STAT4: variants seen among roughly 807,000 people sequenced by gnomAD.
STAT4 encodes the protein signal transducer and activator of transcription 4.
Under a neutral mutation model 110.5 loss-of-function variants are expected in STAT4, and 42 were observed. That is an observed-to-expected ratio of 0.38 (90% confidence interval 0.30 to 0.49). STAT4 has a LOEUF of 0.49. Among genes scored for constraint, STAT4 ranks in the 20% least tolerant of loss-of-function variants. The pLI is 0.95. For missense variants in STAT4, 632 were observed against 887.9 expected (o/e 0.71, Z 3.66); for synonymous variants, 284 against 302.2 (o/e 0.94, Z 0.63).
intron 4 of STAT4, 145 bp from the exon 5 acceptor site, chr2:191,073,335 T>C (rs1697219222): frequency 6.2e-6 from 4 of 648,752 alleles, no homozygotes; most frequent in Non-Finnish European, 1.1e-5. Flanking sequence ...TGTAAAAAAG[T>C]ATTTAATGAC....
At chr2:191,040,957 G>A in intron 15 of STAT4, 108 bp downstream of exon 15, 1 of 636,172 alleles carries the variant, frequency 1.6e-6, no homozygotes, top group African/African-American at 1.9e-5. Flanking sequence ...ACAAAATAAT[G>A]AATATGGAAT....
At position 191,030,897 on chromosome 2, in the gene STAT4, C is replaced by G. The variant is rs1464057024; in HGVS notation, c.2220+75G>C. 1.5e-6 allele frequency: 2 copies of G among 1,350,870 alleles called. No homozygotes were observed. The highest frequency in any genetic ancestry group is 3.4e-5 in the Admixed American group (2 of 58,352). 83.7% of individuals were successfully genotyped at this position (1,350,870 alleles called of 1,614,324 possible). A position where few individuals can be genotyped will look rare whatever the true frequency, so the allele number is the denominator to read the frequency against. On this transcript the variant is annotated intron_variant, in intron 23 of 23. Transcript: ENST00000392320. This position sits in a 1 kb window ranked among gnomAD's most constrained non-coding sequence, Gnocchi z 4.4. ...TCTCCCTACCCAGGCAGTATTTCAG[C>G]CCCTTTGATTCACACACCACCTTTG...
At chr2:191,034,431 A>G in intron 18 of STAT4, 117 bp downstream of exon 18, 6 of 871,844 alleles carry the variant, frequency 6.9e-6, no homozygotes, top group Non-Finnish European at 1.1e-5. Flanking sequence ...TCAAAAAAAA[A>G]AAAAAAAGAA....
intron 5 of STAT4, among the ~76,000 whole-genome samples, chr2:191,070,736 A>C (rs565760491): frequency 6.6e-6 from 1 of 152,310 alleles, no homozygotes; most frequent in Non-Finnish European, 1.5e-5. Flanking sequence ...ATTGGTTACA[A>C]AAAGTATAGA....
rs1472357693 is a variant in STAT4, at chr2:191,107,504, T to C, written c.274-31179A>G. Among the ~76,000 whole-genome samples, 2 of 152,194 alleles carry C rather than the reference T, an allele frequency of 1.3e-5. No individual in the cohort carries two copies. The highest frequency in any genetic ancestry group is 6.5e-5 in the Admixed American group (1 of 15,282). ...TACACAGAAGATAAAGAGAGCAAGG[T>C]TCAGGGGAGGCTGGGTTTATGTAAC... On this transcript the variant is annotated intron_variant, in intron 3 of 23. Coordinates refer to ENST00000392320, the MANE Select transcript of STAT4 (RefSeq NM_003151.4). The surrounding 1 kb of genome is among the most constrained non-coding windows in gnomAD (Gnocchi z 4.2).
In STAT4 at chr2:191,107,892, C is replaced by G. The variant is rs746354165; in HGVS notation, c.274-31567G>C. ...TGAAGGGCCCAAAGTTTCTACAGAA[C>G]ATTTCTTTCATTGATGCCCATATTT... is the stretch of plus-strand genomic sequence containing the variant. On this transcript the variant is annotated intron_variant, in intron 3 of 23. Transcript: ENST00000392320. This position sits in a 1 kb window ranked among gnomAD's most constrained non-coding sequence, Gnocchi z 4.2. 6.6e-6 allele frequency among the ~76,000 whole-genome samples: 1 copy of G among 152,292 alleles called. No homozygotes were observed. The highest frequency in any genetic ancestry group is 2.1e-4 in the South Asian group (1 of 4,826).
rs1256427690 is a variant in STAT4 at position 191,058,892 on chromosome 2, T to C, written c.1035-123A>G. On this transcript the variant is annotated intron_variant, in intron 10 of 23. Coordinates refer to ENST00000392320, the MANE Select transcript of STAT4 (RefSeq NM_003151.4). The surrounding 1 kb of genome is among the most constrained non-coding windows in gnomAD (Gnocchi z 4.3). ...GCATATAAATAAACCTTACATTATCTACAGTTATATGTTAGTGTGTTTTAA... is the reference window on the plus strand; with the variant it reads ...GCATATAAATAAACCTTACATTATCCACAGTTATATGTTAGTGTGTTTTAA... 5.1e-6 allele frequency: 3 copies of C among 593,070 alleles called. No homozygotes were observed. In the East Asian group the frequency reaches 9.2e-5, roughly 18 times the overall value. The allele number at this position is 593,070 out of a possible 1,614,324, so 36.7% of individuals were successfully genotyped here.
In STAT4 at chr2:191,090,028, T is replaced by C; in HGVS notation, c.274-13703A>G. ...TTGATAAAACACATAGAACATATAGTGAGCCCTAATGTAAATTATGGGACT... is the reference window on the plus strand; with the variant it reads ...TTGATAAAACACATAGAACATATAGCGAGCCCTAATGTAAATTATGGGACT... On this transcript the variant is annotated intron_variant, in intron 3 of 23. Coordinates refer to ENST00000392320, the MANE Select transcript of STAT4 (RefSeq NM_003151.4). This position sits in a 1 kb window ranked among gnomAD's most constrained non-coding sequence, Gnocchi z 4.2. 6.6e-6 allele frequency among the ~76,000 whole-genome samples: 1 copy of C among 152,136 alleles called. No homozygotes were observed. The highest frequency in any genetic ancestry group is 6.6e-5 in the Admixed American group (1 of 15,260).
Position 191,060,464 on chromosome 2 carries a change from C to T in STAT4, c.1034+1265G>A, listed in dbSNP as rs1240003710. On this transcript the variant is annotated intron_variant, in intron 10 of 23. Transcript: ENST00000392320. This position sits in a 1 kb window ranked among gnomAD's most constrained non-coding sequence, Gnocchi z 4.5. ...ATGGAGTCTTGCTGTTGTTGCCCAG[C>T]CTGAAGTGCAGTGGCGTGAGTGCAG... 6.6e-6 allele frequency among the ~76,000 whole-genome samples: 1 copy of T among 152,136 alleles called. No homozygotes were observed. The highest frequency in any genetic ancestry group is 1.5e-5 in the Non-Finnish European group (1 of 68,018).
intron 13 of STAT4, 129 bp from the exon 14 acceptor site, chr2:191,054,663 C>A: frequency 1.4e-6 from 1 of 731,592 alleles, no homozygotes; most frequent in Non-Finnish European, 2.2e-6. Flanking sequence ...TATTTTCAAA[C>A]TCATTGAAAC....
At chr2:191,057,081 C>A (rs1696718072) in intron 13 of STAT4, among the ~76,000 whole-genome samples, 1 of 152,214 alleles carries the variant, frequency 6.6e-6, no homozygotes, top group African/African-American at 2.4e-5. Flanking sequence ...CCGTGCCCGG[C>A]CCCTTCTACG....
chr2:191,064,034 C>A (rs1696917995), intron 8 of STAT4, among the ~76,000 whole-genome samples: 1 of 152,134 alleles, frequency 6.6e-6, no homozygotes. Flanking sequence ...ACATGGAAAA[C>A]CCTATGAACA....
At chr2:191,132,791 G>T (rs1434001601) in intron 3 of STAT4, among the ~76,000 whole-genome samples, 4 of 140,230 alleles carry the variant, frequency 2.9e-5, no homozygotes, top group African/African-American at 1.1e-4. Context: ...GTCTCGCTCT[G>T]TCGCCCAGGC....
At chr2:191,095,182 C>T (rs1697934364) in intron 3 of STAT4, among the ~76,000 whole-genome samples, 1 of 152,084 alleles carries the variant, frequency 6.6e-6, no homozygotes, top group African/African-American at 2.4e-5. Context: ...CTTTAACACC[C>T]CACTGTCAAT....
chr2:191,081,650 G>C (rs1480755547), intron 3 of STAT4, among the ~76,000 whole-genome samples: 2 of 152,138 alleles, frequency 1.3e-5, no homozygotes, highest in Admixed American at 6.6e-5. Context: ...TTTTGGGGAA[G>C]TGTCTGTTCA....
intron 3 of STAT4, among the ~76,000 whole-genome samples, chr2:191,088,780 T>A (rs1016104155): frequency 6.6e-6 from 1 of 152,180 alleles, no homozygotes; most frequent in Non-Finnish European, 1.5e-5. Flanking sequence ...CACGTAAATG[T>A]ACTTAACTGA....
At chr2:191,048,761 G>A (rs1696427276) in intron 14 of STAT4, among the ~76,000 whole-genome samples, 1 of 114,008 alleles carries the variant, frequency 8.8e-6, no homozygotes, top group South Asian at 3.1e-4. Context: ...ACTCCAGCCT[G>A]GGCAACAAGA....
At chr2:191,078,456 G>T (rs975244926) in intron 3 of STAT4, among the ~76,000 whole-genome samples, 8 of 152,104 alleles carry the variant, frequency 5.3e-5, no homozygotes, top group Admixed American at 5.2e-4. Flanking sequence ...TTTCATCCAG[G>T]ATATCTTTTC....
intron 3 of STAT4, among the ~76,000 whole-genome samples, chr2:191,115,494 C>A (rs931229644): frequency 2.6e-5 from 4 of 152,184 alleles, no homozygotes; most frequent in Admixed American, 2.6e-4. Context: ...TTCATTTGTG[C>A]AAGACATAAC....
Sources: allele counts gnomAD v4.1 joint callset (sites outside exome capture counted in the v4.1 genomes callset), GRCh38; gene constraint gnomAD v4.1.1; non-coding constraint Gnocchi (gnomAD v3.1); transcripts MANE v1.5; gene names NCBI Gene and HGNC (gene_info 2026-07-23, HGNC 2026-07-21).